The following FARP1 variants were observed in gnomAD, a reference collection of about 807,000 sequenced individuals.
The protein encoded by FARP1 is FERM, ARHGEF and pleckstrin domain-containing protein 1.
A neutral mutation model predicts 128.8 loss-of-function variants in FARP1; 52 were observed. That is an observed-to-expected ratio of 0.40 (90% CI 0.32 to 0.51). The LOEUF (loss-of-function observed/expected upper bound fraction) is 0.51. Among genes scored for constraint, FARP1 ranks in the 20% least tolerant of loss-of-function variants. The pLI is 0.45. For missense variants in FARP1, 1,333 were observed against 1,367.9 expected (o/e 0.97, Z 0.40); for synonymous variants, 580 against 551.8 (o/e 1.05, Z -0.72).
Position 98,296,108 on chromosome 13 carries a change from G to C in FARP1, c.172-47654G>C, listed in dbSNP as rs541608437. 5.3e-5 allele frequency among the ~76,000 whole-genome samples: 8 copies of C among 152,198 alleles called. No homozygotes were observed. The South Asian group carries it at 1.7e-3, about 32-fold the overall frequency. On this transcript the variant is annotated intron_variant, in intron 2 of 26. Coordinates refer to ENST00000319562, the MANE Select transcript of FARP1 (RefSeq NM_005766.4). ...GCTTTGGGGATGAGACCCGAGCATCGATACATTATTTTAAAGAGCTTCCAC... is the reference window on the plus strand; with the variant it reads ...GCTTTGGGGATGAGACCCGAGCATCCATACATTATTTTAAAGAGCTTCCAC...
chr13:98,446,572 G>T, intron 25 of FARP1, 94 bp from the exon 26 acceptor site: 1 of 1,343,266 alleles, frequency 7.4e-7, no homozygotes, highest in South Asian at 1.3e-5. Context: ...GAGCTGCCTG[G>T]GCTCCCAAGT....
chr13:98,215,675 A>C (rs1881018479), intron 2 of FARP1, among the ~76,000 whole-genome samples: 1 of 152,222 alleles, frequency 6.6e-6, no homozygotes, highest in African/African-American at 2.4e-5. Context: ...GGCACCTGGC[A>C]TATAGTAGCT....
rs185078639 is a variant in FARP1 at position 98,184,307 on chromosome 13, G to T, written c.-23-28913G>T. The stretch of plus-strand genomic sequence containing the variant: ...TAATTTTTGTATTTTTAGTAGAGAT[G>T]GGGTTTCACCGTGTTGGCCAGGCTG... On this transcript the variant is annotated intron_variant, in intron 1 of 26. Transcript: ENST00000319562. 7.4e-4 allele frequency among the ~76,000 whole-genome samples: 113 copies of T among 152,112 alleles called. 1 individual carries two copies. Among genetic ancestry groups the T allele is most frequent in the African/African-American group, 2.6e-3 (108 of 41,500 alleles).
At chr13:98,420,844 C>T (rs1255574770) in intron 16 of FARP1, among the ~76,000 whole-genome samples, 1 of 152,150 alleles carries the variant, frequency 6.6e-6, no homozygotes, top group Non-Finnish European at 1.5e-5. Flanking sequence ...ATAGAAGGAA[C>T]ACTTTGGCTT....
rs1196604036 is a variant in FARP1 at position 98,454,836 on chromosome 13, A to T, written c.*6519A>T. The T allele has an allele frequency of 6.6e-6, 1 of 152,302 alleles. No homozygotes were observed. Among genetic ancestry groups the T allele is most frequent in the Non-Finnish European group, 1.5e-5 (1 of 68,064 alleles). The allele number at this position is 152,302 out of a possible 1,614,324, so 9.4% of individuals were successfully genotyped here. Reference sequence around the variant, plus strand: ...CTGCAGAGAGATGATAAGCACCTCAAGAGGCAGCTCATCTGAGGACAGAGG... The same window carrying T: ...CTGCAGAGAGATGATAAGCACCTCATGAGGCAGCTCATCTGAGGACAGAGG... On this transcript the variant is annotated 3_prime_UTR_variant, in exon 27 of 27. Transcript: ENST00000319562.
At chr13:98,239,654 C>T (rs1274107002) in intron 2 of FARP1, among the ~76,000 whole-genome samples, 1 of 152,074 alleles carries the variant, frequency 6.6e-6, no homozygotes, top group African/African-American at 2.4e-5. Flanking sequence ...CACCAAGTGG[C>T]CTGGGGGCAG....
At chr13:98,235,860 G>C (rs1882383440) in intron 2 of FARP1, among the ~76,000 whole-genome samples, 1 of 126,344 alleles carries the variant, frequency 7.9e-6, no homozygotes, top group African/African-American at 3.2e-5. Flanking sequence ...TTTCGCTCTT[G>C]TTGCCCAGGC....
intron 26 of FARP1, 42 bp from the exon 27 acceptor site, chr13:98,448,194 G>A (rs577500615): frequency 5.7e-5 from 88 of 1,547,752 alleles, no homozygotes; most frequent in East Asian, 5.2e-4. Context: ...TCAGGAGTCC[G>A]TCCAAACAAA....
Position 98,176,886 on chromosome 13 carries a change from G to A in FARP1, c.-24+33394G>A, listed in dbSNP as rs762568246. 4.4e-5 allele frequency: 71 copies of A among 1,606,762 alleles called. No individual in the cohort carries two copies. Among genetic ancestry groups the A allele is most frequent in the Non-Finnish European group, 5.5e-5 (65 of 1,179,942 alleles). ...TCGGCGTATGGTGCTCCTTCTCGGT[G>A]TCCTGCTCGAAGTCAGCGGTGGCCC... is the stretch of plus-strand genomic sequence containing the variant. On this transcript the variant is annotated intron_variant, in intron 1 of 26. Coordinates refer to ENST00000319562, the MANE Select transcript of FARP1 (RefSeq NM_005766.4). This position sits in a 1 kb window ranked among gnomAD's most constrained non-coding sequence, Gnocchi z 6.2.
chr13:98,290,046 A>G (rs1236192758), intron 2 of FARP1, among the ~76,000 whole-genome samples: 4 of 149,956 alleles, frequency 2.7e-5, no homozygotes, highest in Non-Finnish European at 4.4e-5. Flanking sequence ...AGTGTGGTGG[A>G]GATTTATCTT....
Position 98,386,208 on chromosome 13 carries a change from T to TTCAA in FARP1, c.759+394_759+395insTCAA, listed in dbSNP as rs1555342699. 6.0e-4 allele frequency among the ~76,000 whole-genome samples: 87 copies of TTCAA among 146,124 alleles called. No individual in the cohort carries two copies. In the Middle Eastern group the frequency reaches 0.021, roughly 35 times the overall value. On this transcript the variant is annotated intron_variant, in intron 8 of 26. Transcript: ENST00000319562. ...GATCCTTTTTTTTTTTTTTTTTTTT[T>TTCAA]CAAACACAGTTTGGCTTGAGCCAGC... is the stretch of plus-strand genomic sequence containing the variant.
intron 2 of FARP1, among the ~76,000 whole-genome samples, chr13:98,221,569 G>A (rs1260461834): frequency 6.6e-6 from 1 of 152,218 alleles, no homozygotes; most frequent in Non-Finnish European, 1.5e-5. Flanking sequence ...CGTTTTTGTG[G>A]ACTTACGTGC....
chr13:98,218,206 C>T (rs1270608962), intron 2 of FARP1, among the ~76,000 whole-genome samples: 2 of 151,802 alleles, frequency 1.3e-5, no homozygotes, highest in Admixed American at 1.3e-4. Context: ...GCCATCCTCA[C>T]CCCGAACACA....
chr13:98,400,173 G>C (rs1487734687), intron 13 of FARP1: 1 of 152,122 alleles, frequency 6.6e-6, no homozygotes, highest in Non-Finnish European at 1.5e-5. Context: ...AAGCAATGCT[G>C]AAAAAAGCTA....
intron 2 of FARP1, among the ~76,000 whole-genome samples, chr13:98,326,857 ATCT>A (rs575516805): frequency 8.1e-4 from 124 of 152,336 alleles, no homozygotes; most frequent in African/African-American, 2.9e-3. Flanking sequence ...CTCTGAACTC[ATCT>A]TCTTTTAGGG....
chr13:98,352,150 C>T (rs1410910745), intron 3 of FARP1, among the ~76,000 whole-genome samples: 2 of 151,996 alleles, frequency 1.3e-5, no homozygotes, highest in African/African-American at 4.8e-5. Context: ...AACTAGATGC[C>T]ATAGTAAGTC....
chr13:98,343,881 C>T lies in FARP1; in HGVS notation c.276+15C>T, dbSNP rs770169294. On this transcript the variant is annotated intron_variant, in intron 3 of 26. Coordinates refer to ENST00000319562, the MANE Select transcript of FARP1 (RefSeq NM_005766.4). Reference sequence around the variant, plus strand: ...AAAAGATCACGGTAGGTGATGTCAACTTAATGTTACTATTTTACTGTCTGT... The same window carrying T: ...AAAAGATCACGGTAGGTGATGTCAATTTAATGTTACTATTTTACTGTCTGT... 6 of 1,500,658 alleles carry T rather than the reference C, an allele frequency of 4.0e-6. No individual in the cohort carries two copies. The highest frequency in any genetic ancestry group is 5.6e-6 in the Non-Finnish European group (6 of 1,078,290). The allele number at this position is 1,500,658 out of a possible 1,614,324, so 93.0% of individuals were successfully genotyped here.
intron 1 of FARP1, among the ~76,000 whole-genome samples, chr13:98,200,195 C>T (rs1392285847): frequency 6.6e-6 from 1 of 152,224 alleles, no homozygotes; most frequent in Non-Finnish European, 1.5e-5. Flanking sequence ...CGACCTTTGG[C>T]ACATGTGCAA....
intron 2 of FARP1, among the ~76,000 whole-genome samples, chr13:98,232,010 A>G (rs1329779354): frequency 4.6e-5 from 7 of 151,896 alleles, no homozygotes; most frequent in Non-Finnish European, 8.8e-5. Flanking sequence ...TTGTATTTTT[A>G]GTAAAGATGG....
Sources: gnomAD v4.1 joint callset for allele counts (sites outside exome capture counted in the v4.1 genomes callset) on GRCh38, gnomAD v4.1.1 for gene constraint, Gnocchi (gnomAD v3.1) non-coding constraint, MANE v1.5 for transcripts, NCBI Gene and HGNC (gene_info 2026-07-23, HGNC 2026-07-21) for gene names.